FAM114A1: variants seen among roughly 807,000 people sequenced by gnomAD.
FAM114A1 encodes the protein protein NOXP20.
Under a neutral mutation model 64.3 loss-of-function variants are expected in FAM114A1, and 62 were observed. That is an observed-to-expected ratio of 0.96 (90% CI 0.79 to 1.19). The LOEUF (loss-of-function observed/expected upper bound fraction) is 1.19. Ranked by LOEUF, FAM114A1 falls within the 50% of genes most tolerant of loss-of-function variation. FAM114A1 has a pLI of 0.00. For synonymous variants in FAM114A1, 254 were observed against 251.1 expected (o/e 1.01, Z -0.11); for missense variants, 645 against 676.3 (o/e 0.95, Z 0.51).
At chr4:38,896,169 T>C (rs1299780584) in intron 4 of FAM114A1, among the ~76,000 whole-genome samples, 1 of 152,162 alleles carries the variant, frequency 6.6e-6, no homozygotes, top group African/African-American at 2.4e-5. Context: ...ATATTGATGC[T>C]CATTCTAAAA....
chr4:38,940,300 T>G (rs887098519), intron 13 of FAM114A1, among the ~76,000 whole-genome samples: 1 of 152,140 alleles, frequency 6.6e-6, no homozygotes, highest in Non-Finnish European at 1.5e-5. Flanking sequence ...AAGTTATATT[T>G]AAGAATGTCT....
intron 7 of FAM114A1, among the ~76,000 whole-genome samples, chr4:38,913,460 G>A (rs373245114): frequency 6.6e-6 from 1 of 152,126 alleles, no homozygotes; most frequent in African/African-American, 2.4e-5. Context: ...GTGCAACGGC[G>A]CAGTCTCGGC....
chr4:38,875,140 A>G (rs1190463727), intron 2 of FAM114A1, among the ~76,000 whole-genome samples: 1 of 151,960 alleles, frequency 6.6e-6, no homozygotes, highest in African/African-American at 2.4e-5. Flanking sequence ...TTGCTTAGGA[A>G]TGCTTTGTCT....
intron 8 of FAM114A1, among the ~76,000 whole-genome samples, chr4:38,922,551 C>T (rs1719702389): frequency 6.6e-6 from 1 of 152,176 alleles, no homozygotes; most frequent in Non-Finnish European, 1.5e-5. Context: ...ATTTACTCCA[C>T]AAAGAATCTC....
intron 1 of FAM114A1, chr4:38,868,052 CGTGTGAGTGTGTGT>C (rs1370445145): frequency 1.2e-5 from 5 of 423,430 alleles, no homozygotes; most frequent in Admixed American, 2.5e-5. Context: ...TGGGTGCGGG[CGTGTGAGTGTGTGT>C]GTGTGAGTGT....
intron 3 of FAM114A1, among the ~76,000 whole-genome samples, chr4:38,888,723 A>G (rs115656752): frequency 0.015 from 2,346 of 152,188 alleles, 79 homozygotes; most frequent in African/African-American, 0.053. Flanking sequence ...TTTTTCCTCT[A>G]TGTATTAGGA....
chr4:38,886,660 G>A (rs1181993463), intron 3 of FAM114A1, among the ~76,000 whole-genome samples: 1 of 151,682 alleles, frequency 6.6e-6, no homozygotes. Context: ...GGGCACAGTG[G>A]CTCACACCTG....
chr4:38,888,145 A>G (rs780935396), intron 3 of FAM114A1, among the ~76,000 whole-genome samples: 11 of 152,028 alleles, frequency 7.2e-5, no homozygotes, highest in Non-Finnish European at 1.3e-4. Flanking sequence ...TAAACTTGAT[A>G]GCTTAAAATA....
intron 8 of FAM114A1, among the ~76,000 whole-genome samples, chr4:38,920,977 T>G (rs1487452919): frequency 6.6e-6 from 1 of 152,216 alleles, no homozygotes; most frequent in Non-Finnish European, 1.5e-5. Flanking sequence ...GCAATGAGCT[T>G]TAGCAACTTT....
chr4:38,900,506 G>T (rs930415780), intron 4 of FAM114A1, among the ~76,000 whole-genome samples: 2 of 152,124 alleles, frequency 1.3e-5, no homozygotes, highest in African/African-American at 4.8e-5. Context: ...AGTGTCTGTC[G>T]ACAGACGAAT....
rs1416607235 is a variant in FAM114A1 at position 38,932,371 on chromosome 4, T to A, written c.1460T>A (p.Ile487Lys). The change falls in exon 12 of 15, where the codon ATA (isoleucine) becomes AAA (lysine). Residue 487 changes from isoleucine to lysine, a missense_variant. Physicochemically the swap from Ile to Lys is moderately radical, Grantham distance 102. Coordinates refer to ENST00000358869, the MANE Select transcript of FAM114A1 (RefSeq NM_138389.4). ...KPAQDQAKVL[I>K]KLTTAMCNEV... ...GCTCAGGACCAAGCAAAAGTTCTAA[T>A]AAAGTAAGTAAATGTTACTTTAAAT... is the stretch of plus-strand genomic sequence containing the variant. 1.3e-6 allele frequency: 2 copies of A among 1,586,952 alleles called. No individual in the cohort carries two copies. Among genetic ancestry groups the A allele is most frequent in the Non-Finnish European group, 1.7e-6 (2 of 1,173,098 alleles).
At chr4:38,873,625 G>A (rs368782532) in intron 2 of FAM114A1, among the ~76,000 whole-genome samples, 5 of 152,308 alleles carry the variant, frequency 3.3e-5, no homozygotes, top group African/African-American at 1.2e-4. Context: ...TCAACCTGGA[G>A]GAACAAAGAA....
chr4:38,891,703 T>C (rs1716412061), intron 3 of FAM114A1, 40 bp from the exon 4 acceptor site: 6 of 1,526,976 alleles, frequency 3.9e-6, no homozygotes, highest in African/African-American at 1.4e-5. Context: ...TTCAGAGATA[T>C]ACTGAATTTC....
Position 38,878,410 on chromosome 4 carries a change from A to G in FAM114A1, c.332A>G (p.Gln111Arg). The part of the protein sequence containing the change: ...EAEPRSEIPL[Q>R]EQNYLAVDSP... Reference sequence around the variant, plus strand: ...GAACCCAGATCCGAAATACCCCTGCAAGAACAGAATTATCTGGTAAGAATG... The same window carrying G: ...GAACCCAGATCCGAAATACCCCTGCGAGAACAGAATTATCTGGTAAGAATG... The change falls in exon 3 of 15, where the codon CAA becomes CGA. Residue 111 changes from glutamine to arginine, a missense_variant. Gln to Arg is a conservative substitution (Grantham distance 43). Coordinates refer to ENST00000358869, the MANE Select transcript of FAM114A1 (RefSeq NM_138389.4). 1.3e-6 allele frequency: 2 copies of G among 1,595,292 alleles called. No individual in the cohort carries two copies. The highest frequency in any genetic ancestry group is 1.7e-6 in the Non-Finnish European group (2 of 1,169,994).
chr4:38,911,831 TC>T (rs1718558699), intron 7 of FAM114A1, among the ~76,000 whole-genome samples: 3 of 139,894 alleles, frequency 2.1e-5, no homozygotes, highest in East Asian at 2.2e-4. Flanking sequence ...CTTTCTTTCT[TC>T]TTTTTTTTTT....
chr4:38,879,219 C>T, intron 3 of FAM114A1, among the ~76,000 whole-genome samples: 1 of 152,118 alleles, frequency 6.6e-6, no homozygotes, highest in East Asian at 1.9e-4. Context: ...GAATGGACTG[C>T]CTTCTAGAAG....
At chr4:38,880,533 C>T (rs1170778301) in intron 3 of FAM114A1, among the ~76,000 whole-genome samples, 1 of 152,034 alleles carries the variant, frequency 6.6e-6, no homozygotes, top group African/African-American at 2.4e-5. Context: ...ATTAATAAGC[C>T]GCAGGTTTGG....
At chr4:38,914,898 A>G in intron 7 of FAM114A1, 23 bp from the exon 8 acceptor site, 1 of 1,611,710 alleles carries the variant, frequency 6.2e-7, no homozygotes, top group Non-Finnish European at 8.5e-7. Flanking sequence ...CATCCAGAGT[A>G]CAAACATTGT....
At chr4:38,932,565 T>C (rs1340272535) in intron 12 of FAM114A1, among the ~76,000 whole-genome samples, 191 bp downstream of exon 12, 1 of 152,148 alleles carries the variant, frequency 6.6e-6, no homozygotes, top group Non-Finnish European at 1.5e-5. Flanking sequence ...GGCATGATCA[T>C]GACTCACTGC....
Sources: gnomAD v4.1 joint callset for allele counts (sites outside exome capture counted in the v4.1 genomes callset) on GRCh38, gnomAD v4.1.1 for gene constraint, MANE v1.5 for transcripts, NCBI Gene and HGNC (gene_info 2026-07-23, HGNC 2026-07-21) for gene names.